PRR5L: variants seen among roughly 807,000 people sequenced by gnomAD.
PRR5L encodes the protein proline rich 5 like.
A neutral mutation model predicts 36.4 loss-of-function variants in PRR5L; 21 were observed. That is an observed-to-expected ratio of 0.58 (90% CI 0.41 to 0.83). The LOEUF (loss-of-function observed/expected upper bound fraction) is 0.83, where lower values mean the gene tolerates loss of function less well. Among genes scored for constraint, PRR5L ranks in the 40% least tolerant of loss-of-function variants. The pLI, the probability that PRR5L is intolerant of heterozygous loss-of-function variation, is 0.00. For missense variants in PRR5L, 381 were observed against 473.3 expected, an observed-to-expected ratio of 0.80 and a Z score of 1.81; for synonymous variants, 188 against 197.0, an observed-to-expected ratio of 0.95 and a Z score of 0.38.
chr11:36,356,646 A>G (rs1452661360), intron 1 of PRR5L, among the ~76,000 whole-genome samples: 1 of 151,906 alleles, frequency 6.6e-6, no homozygotes, highest in Non-Finnish European at 1.5e-5. Flanking sequence ...TTATTATTTT[A>G]TCAGTTATGG....
intron 1 of PRR5L, among the ~76,000 whole-genome samples, chr11:36,390,576 G>A (rs1379531503): frequency 1.3e-5 from 2 of 152,148 alleles, no homozygotes; most frequent in African/African-American, 2.4e-5. Context: ...TGTAAGCTGG[G>A]GCTGGTAATA....
intron 8 of PRR5L, among the ~76,000 whole-genome samples, chr11:36,461,676 T>C (rs1859184964): frequency 6.6e-6 from 1 of 152,302 alleles, no homozygotes; most frequent in African/African-American, 2.4e-5. Flanking sequence ...TTCCTGTGTC[T>C]GCCTCCTTGG....
At chr11:36,372,976 T>TTGTGTG (rs36076560) in intron 1 of PRR5L, among the ~76,000 whole-genome samples, 5,097 of 146,708 alleles carry the variant, frequency 0.035, 131 homozygotes, top group East Asian at 0.14. Flanking sequence ...TGCCTAATAG[T>TTGTGTG]TGTGTGTGTG....
At chr11:36,313,421 G>A (rs908012349) in intron 1 of PRR5L, among the ~76,000 whole-genome samples, 1 of 152,196 alleles carries the variant, frequency 6.6e-6, no homozygotes, top group East Asian at 1.9e-4. Context: ...AGTTATGTAT[G>A]TTTCAAGTTT....
rs1858214333 is a variant in PRR5L at position 36,419,294 on chromosome 11, C to T, written c.285C>T (p.Asp95=). The change falls in exon 4 of 9, where the codon GAC becomes GAT. Residue 95 remains aspartate (D), a synonymous_variant. Transcript: ENST00000530639. ...LKSELGSFIT[D]YFQNQLLAKG... The stretch of plus-strand genomic sequence containing the variant: ...GTGAACTTGGATCATTCATTACAGA[C>T]TATTTTCAGGTAAGCTGTGTGGATC... 1.2e-6 allele frequency: 2 copies of T among 1,613,940 alleles called. No homozygotes were observed. The highest frequency in any genetic ancestry group is 2.7e-5 in the African/African-American group (2 of 75,044).
At chr11:36,396,663 C>T (rs1857666147) in intron 1 of PRR5L, among the ~76,000 whole-genome samples, 1 of 152,212 alleles carries the variant, frequency 6.6e-6, no homozygotes. Flanking sequence ...ATTTAATCCT[C>T]CTCCAACCCT....
chr11:36,317,388 G>A (rs1289120496), intron 1 of PRR5L, among the ~76,000 whole-genome samples: 1 of 152,202 alleles, frequency 6.6e-6, no homozygotes, highest in Non-Finnish European at 1.5e-5. Flanking sequence ...AGAATTGTGA[G>A]GATCAAATGA....
At chr11:36,362,047 T>A (rs1322923428) in intron 1 of PRR5L, 9 of 110,460 alleles carry the variant, frequency 8.1e-5, no homozygotes, top group East Asian at 2.5e-4. Context: ...AACAAATGAG[T>A]ACATAAAAGG....
chr11:36,446,381 C>G lies in PRR5L; in HGVS notation c.526C>G (p.Leu176Val), dbSNP rs1443412237. The change falls in exon 7 of 9, where the codon CTG (leucine) becomes GTG (valine). Residue 176 changes from leucine (L) to valine (V), a missense_variant. By Grantham distance (32) the Leu-to-Val change is conservative (BLOSUM62 1). Coordinates refer to ENST00000530639, the MANE Select transcript of PRR5L (RefSeq NM_001160167.2). ...VLLKVKLGDL[L>V]LLAQSKLPSS... is the part of the protein sequence containing the mutation. ...GCTGAAGGTGAAGCTGGGTGACCTGCTGCTGCTGGCCCAGTCCAAGCTGCC... is the reference window on the plus strand; with the variant it reads ...GCTGAAGGTGAAGCTGGGTGACCTGGTGCTGCTGGCCCAGTCCAAGCTGCC... The G allele has an allele frequency of 3.1e-6, 5 of 1,614,064 alleles. No individual in the cohort carries two copies. The East Asian group carries it at 1.1e-4, about 36-fold the overall frequency.
At chr11:36,312,856 G>A (rs1468728977) in intron 1 of PRR5L, among the ~76,000 whole-genome samples, 1 of 152,218 alleles carries the variant, frequency 6.6e-6, no homozygotes, top group East Asian at 1.9e-4. Context: ...CTCTACTTGA[G>A]GTAGAACCAA....
chr11:36,448,261 T>C (rs999770545), intron 7 of PRR5L, among the ~76,000 whole-genome samples: 1 of 152,128 alleles, frequency 6.6e-6, no homozygotes, highest in Non-Finnish European at 1.5e-5. Flanking sequence ...TCTACCCTCA[T>C]GCGCTCTGGT....
chr11:36,302,366 G>A (rs372820450), intron 1 of PRR5L, among the ~76,000 whole-genome samples: 8 of 152,288 alleles, frequency 5.3e-5, no homozygotes, highest in African/African-American at 1.7e-4. Flanking sequence ...GACATTTAAC[G>A]TGAGTGTCAA....
intron 1 of PRR5L, among the ~76,000 whole-genome samples, chr11:36,325,648 G>C (rs1856654762): frequency 6.6e-6 from 1 of 152,124 alleles, no homozygotes; most frequent in South Asian, 2.1e-4. Flanking sequence ...TGATTGGTCG[G>C]GTGTGAGCTG....
At chr11:36,446,230 A>T in intron 6 of PRR5L, 70 bp from the exon 7 acceptor site, 1 of 1,550,174 alleles carries the variant, frequency 6.5e-7, no homozygotes, top group Non-Finnish European at 8.8e-7. Flanking sequence ...TGTTGTCTTG[A>T]ACCCCACATG....
intron 1 of PRR5L, among the ~76,000 whole-genome samples, chr11:36,331,921 C>A (rs12419146): frequency 0.096 from 14,633 of 152,134 alleles, 1,289 homozygotes; most frequent in African/African-American, 0.24. Context: ...AAGTTCCAAA[C>A]CATAAGTGTC....
At chr11:36,322,868 C>T (rs181657149) in intron 1 of PRR5L, among the ~76,000 whole-genome samples, 7 of 152,010 alleles carry the variant, frequency 4.6e-5, no homozygotes, top group Admixed American at 3.3e-4. Flanking sequence ...GCACAGGGAC[C>T]GAGGAGGAAA....
At chr11:36,310,074 C>G (rs1245015259) in intron 1 of PRR5L, among the ~76,000 whole-genome samples, 1 of 59,898 alleles carries the variant, frequency 1.7e-5, no homozygotes, top group Non-Finnish European at 4.0e-5. Flanking sequence ...AACACATCAT[C>G]ATTCCGTGGC....
intron 1 of PRR5L, among the ~76,000 whole-genome samples, chr11:36,333,290 T>A (rs1371784275): frequency 6.6e-6 from 1 of 152,200 alleles, no homozygotes; most frequent in Non-Finnish European, 1.5e-5. Flanking sequence ...CTCGTGGGGA[T>A]GGAAAATGAC....
chr11:36,398,826 T>C (rs1434722161), intron 1 of PRR5L: 1 of 152,248 alleles, frequency 6.6e-6, no homozygotes, highest in Non-Finnish European at 1.5e-5. Flanking sequence ...GGCAGGAAGA[T>C]GGTGGGTAAA....
Sources: allele counts gnomAD v4.1 joint callset (sites outside exome capture counted in the v4.1 genomes callset), GRCh38; gene constraint gnomAD v4.1.1; transcripts MANE v1.5; gene names NCBI Gene and HGNC (gene_info 2026-07-23, HGNC 2026-07-21).